The following NR2F1-AS1 variants were observed in gnomAD, a reference collection of about 807,000 sequenced individuals.
NR2F1-AS1 encodes NR2F1 antisense RNA 1.
At chr5:93,468,310 T>C (rs1750286167) in intron 4 of NR2F1-AS1, among the ~76,000 whole-genome samples, 1 of 151,910 alleles carries the variant, frequency 6.6e-6, no homozygotes, top group Non-Finnish European at 1.5e-5. Context: ...CTCTCCAGCA[T>C]GTTGTTTCCT....
At chr5:93,446,369 C>G (rs1749706819) in intron 4 of NR2F1-AS1, among the ~76,000 whole-genome samples, 1 of 152,162 alleles carries the variant, frequency 6.6e-6, no homozygotes, top group South Asian at 2.1e-4. Flanking sequence ...GATACAAAAT[C>G]AATGTGCAAA....
At chr5:93,543,562 A>G (rs528270813) in intron 4 of NR2F1-AS1, 1 of 152,212 alleles carries the variant, frequency 6.6e-6, no homozygotes, top group African/African-American at 2.4e-5. Flanking sequence ...TGACTCAGAG[A>G]GTAGCCTAGG....
intron 3 of NR2F1-AS1, among the ~76,000 whole-genome samples, chr5:93,554,202 A>C (rs1752297564): frequency 6.6e-6 from 1 of 152,200 alleles, no homozygotes; most frequent in African/African-American, 2.4e-5. Flanking sequence ...ACATGAAAGC[A>C]TGCCAACTTT....
At chr5:93,485,193 A>T (rs1211718886) in intron 4 of NR2F1-AS1, among the ~76,000 whole-genome samples, 1 of 152,180 alleles carries the variant, frequency 6.6e-6, no homozygotes, top group Non-Finnish European at 1.5e-5. Context: ...ACTTATTCTA[A>T]AATTGACCAC....
intron 4 of NR2F1-AS1, among the ~76,000 whole-genome samples, chr5:93,430,745 C>A (rs918258949): frequency 6.6e-6 from 1 of 152,076 alleles, no homozygotes; most frequent in Non-Finnish European, 1.5e-5. Context: ...TGAAGTTTCC[C>A]GTCATTATCA....
At chr5:93,412,087 T>C (rs1748869608) in intron 4 of NR2F1-AS1, among the ~76,000 whole-genome samples, 1 of 152,168 alleles carries the variant, frequency 6.6e-6, no homozygotes, top group African/African-American at 2.4e-5. Context: ...CATGGAAGGA[T>C]CCAGTCACAC....
chr5:93,565,698 T>C (rs898745896), intron 1 of NR2F1-AS1, among the ~76,000 whole-genome samples: 2 of 151,900 alleles, frequency 1.3e-5, no homozygotes, highest in Non-Finnish European at 2.9e-5. Context: ...GTAAAATAAA[T>C]GAAAACACTT....
intron 2 of NR2F1-AS1, among the ~76,000 whole-genome samples, chr5:93,558,503 G>T (rs573887471): frequency 2.0e-5 from 3 of 151,946 alleles, no homozygotes; most frequent in Non-Finnish European, 4.4e-5. Context: ...TGTATTTTTA[G>T]TAGAGACAGG....
At chr5:93,490,786 G>T (rs1750822162) in intron 4 of NR2F1-AS1, among the ~76,000 whole-genome samples, 1 of 151,406 alleles carries the variant, frequency 6.6e-6, no homozygotes, top group Admixed American at 6.6e-5. Flanking sequence ...GGTGGTGGTA[G>T]TCCTGGTAAT....
chr5:93,417,472 C>T (rs1196046844), intron 4 of NR2F1-AS1, among the ~76,000 whole-genome samples: 1 of 152,216 alleles, frequency 6.6e-6, no homozygotes. Flanking sequence ...ACTGCCAATA[C>T]ATAACAACCA....
At chr5:93,553,362 C>T (rs1752277419) in intron 4 of NR2F1-AS1, among the ~76,000 whole-genome samples, 1 of 152,120 alleles carries the variant, frequency 6.6e-6, no homozygotes, top group South Asian at 2.1e-4. Context: ...GCTGGGATTA[C>T]AGGCATAAGC....
chr5:93,498,290 A>C (rs971997844), intron 4 of NR2F1-AS1, among the ~76,000 whole-genome samples: 4 of 152,154 alleles, frequency 2.6e-5, no homozygotes, highest in Non-Finnish European at 5.9e-5. Flanking sequence ...TAGTCTAAAG[A>C]AAGATTTAAT....
At chr5:93,477,328 A>C (rs1436710658) in intron 4 of NR2F1-AS1, among the ~76,000 whole-genome samples, 3 of 152,208 alleles carry the variant, frequency 2.0e-5, no homozygotes, top group Admixed American at 6.5e-5. Context: ...GAACAATGAA[A>C]AAGATTAAAA....
chr5:93,505,880 T>C (rs955229698), intron 4 of NR2F1-AS1, among the ~76,000 whole-genome samples: 2 of 152,226 alleles, frequency 1.3e-5, no homozygotes, highest in Admixed American at 6.5e-5. Flanking sequence ...CCCCACGGTC[T>C]TGGGGATTAA....
intron 4 of NR2F1-AS1, among the ~76,000 whole-genome samples, chr5:93,497,744 G>A (rs1750995035): frequency 6.6e-6 from 1 of 152,122 alleles, no homozygotes; most frequent in Non-Finnish European, 1.5e-5. Context: ...ATAAATATAT[G>A]AAGAAAAACG....
At chr5:93,577,366 T>G (rs1752920109) in intron 1 of NR2F1-AS1, among the ~76,000 whole-genome samples, 1 of 152,248 alleles carries the variant, frequency 6.6e-6, no homozygotes. Flanking sequence ...TGGAGTCTGT[T>G]GGGTTCATGG....
At chr5:93,585,006 C>T (rs1414022745), upstream of NR2F1-AS1, 1 of 998,500 alleles carries the variant, frequency 1.0e-6, no homozygotes, top group Non-Finnish European at 1.2e-6. Context: ...CCCCCCAGCG[C>T]TCCCCGGGCC....
At chr5:93,489,984 T>C (rs181852062) in intron 4 of NR2F1-AS1, among the ~76,000 whole-genome samples, 2 of 152,350 alleles carry the variant, frequency 1.3e-5, no homozygotes, top group East Asian at 1.9e-4. Flanking sequence ...AGTCAATCCA[T>C]GTGACTTCTG....
intron 2 of NR2F1-AS1, among the ~76,000 whole-genome samples, chr5:93,555,615 G>A (rs1752337036): frequency 6.6e-6 from 1 of 152,094 alleles, no homozygotes; most frequent in African/African-American, 2.4e-5. Context: ...ATGGGAGGAA[G>A]AACAAGACTG....
Sources: allele counts gnomAD v4.1 joint callset (sites outside exome capture counted in the v4.1 genomes callset), GRCh38; gene constraint gnomAD v4.1.1; transcripts MANE v1.5; gene names NCBI Gene and HGNC (gene_info 2026-07-23, HGNC 2026-07-21).